Variants in IGSF5 observed in about 807,000 individuals in gnomAD.
The protein encoded by IGSF5 is immunoglobulin superfamily member 5.
A neutral mutation model predicts 39.4 loss-of-function variants in IGSF5; 41 were observed. The ratio of observed to expected loss-of-function variants is 1.04; its 90% CI spans 0.81 to 1.35. The LOEUF is 1.35. Ranked by LOEUF, IGSF5 falls within the 40% of genes most tolerant of loss-of-function variation. IGSF5 has a pLI of 0.00. For synonymous variants in IGSF5, 183 were observed against 175.3 expected (o/e 1.04, Z -0.34); for missense variants, 487 against 494.6 (o/e 0.98, Z 0.15).
At chr21:39,723,812 CT>C in the IGSF5 span, among the ~76,000 whole-genome samples, 1 of 152,122 alleles carries the variant, frequency 6.6e-6, no homozygotes, top group Admixed American at 6.5e-5. Flanking sequence ...AAGAAATTAG[CT>C]GTTGATTACA....
chr21:39,731,390 T>C, the IGSF5 span, among the ~76,000 whole-genome samples: 1 of 152,222 alleles, frequency 6.6e-6, no homozygotes, highest in Non-Finnish European at 1.5e-5. Context: ...GTATAAGTCC[T>C]GAGGATGCAT....
At chr21:39,753,730 C>A (rs796734630) in intron 2 of IGSF5, among the ~76,000 whole-genome samples, 1 of 90,592 alleles carries the variant, frequency 1.1e-5, no homozygotes, top group African/African-American at 3.9e-5. Flanking sequence ...CTATATAATG[C>A]CCTTCTTTGT....
chr21:39,726,644 C>T, the IGSF5 span, among the ~76,000 whole-genome samples: 1 of 152,222 alleles, frequency 6.6e-6, no homozygotes, highest in Non-Finnish European at 1.5e-5. Flanking sequence ...GACCAGCAAA[C>T]ACTTGATAGC....
At chr21:39,790,300 C>T (rs1454378343) in intron 6 of IGSF5, among the ~76,000 whole-genome samples, 1 of 152,162 alleles carries the variant, frequency 6.6e-6, no homozygotes, top group Non-Finnish European at 1.5e-5. Context: ...GGCACATATG[C>T]AATTTATTTT....
At chr21:39,788,872 G>A (rs1372336431) in intron 6 of IGSF5, among the ~76,000 whole-genome samples, 1 of 152,166 alleles carries the variant, frequency 6.6e-6, no homozygotes, top group Admixed American at 6.5e-5. Context: ...AACACATGTA[G>A]TTATCAGTAT....
intron 2 of IGSF5, among the ~76,000 whole-genome samples, chr21:39,760,188 G>A (rs1276513945): frequency 6.6e-6 from 1 of 151,996 alleles, no homozygotes; most frequent in African/African-American, 2.4e-5. Context: ...CTGTATAATG[G>A]GTTATATAGA....
chr21:39,778,392 C>T (rs993496200), intron 4 of IGSF5, among the ~76,000 whole-genome samples: 2 of 152,210 alleles, frequency 1.3e-5, no homozygotes, highest in African/African-American at 4.8e-5. Context: ...CTCTCTCCTT[C>T]TCTCCCTACC....
the IGSF5 span, among the ~76,000 whole-genome samples, chr21:39,717,354 C>T: frequency 6.6e-6 from 1 of 152,152 alleles, no homozygotes; most frequent in Non-Finnish European, 1.5e-5. Context: ...TAATTAGATA[C>T]CATTTGTCAA....
intron 2 of IGSF5, among the ~76,000 whole-genome samples, chr21:39,753,969 G>A (rs907913599): frequency 2.6e-5 from 4 of 151,758 alleles, no homozygotes; most frequent in Non-Finnish European, 4.4e-5. Context: ...TCTTTTAAGT[G>A]GAACATTTAG....
intron 5 of IGSF5, 88 bp downstream of exon 5, chr21:39,779,393 A>G: frequency 6.8e-7 from 1 of 1,470,764 alleles, no homozygotes. Context: ...GCTCTTTCAA[A>G]AGATAGATTA....
upstream of IGSF5, among the ~76,000 whole-genome samples, chr21:39,742,370 G>A (rs148152135): frequency 5.8e-4 from 89 of 152,308 alleles, no homozygotes; most frequent in Middle Eastern, 0.01. Flanking sequence ...TGACAGATCT[G>A]GAGGACAGTT....
intron 6 of IGSF5, among the ~76,000 whole-genome samples, chr21:39,790,011 A>G (rs539686294): frequency 6.6e-6 from 1 of 152,338 alleles, no homozygotes; most frequent in East Asian, 1.9e-4. Context: ...CACAAAAAGC[A>G]CAAATGCCTG....
At chr21:39,728,825 G>T in the IGSF5 span, among the ~76,000 whole-genome samples, 4 of 151,946 alleles carry the variant, frequency 2.6e-5, no homozygotes, top group Non-Finnish European at 5.9e-5. Context: ...CCTATTATGT[G>T]CCTGGCACTT....
intron 6 of IGSF5, among the ~76,000 whole-genome samples, chr21:39,790,081 C>T (rs11701338): frequency 0.27 from 40,358 of 151,942 alleles, 6,759 homozygotes; most frequent in East Asian, 0.47. Context: ...CCCCCTAGAC[C>T]CCGGTCAAAT....
At chr21:39,787,361 T>TA (rs1858327865) in intron 5 of IGSF5, among the ~76,000 whole-genome samples, 1 of 152,114 alleles carries the variant, frequency 6.6e-6, no homozygotes, top group South Asian at 2.1e-4. Context: ...AATGAGTATT[T>TA]AAAAAATCTT....
At chr21:39,790,919 T>G (rs2146293553) in intron 6 of IGSF5, among the ~76,000 whole-genome samples, 1 of 152,366 alleles carries the variant, frequency 6.6e-6, no homozygotes, top group African/African-American at 2.4e-5. Flanking sequence ...TTGTATTAGG[T>G]ATTATAAATA....
rs149556832 is a variant in IGSF5 at position 39,766,410 on chromosome 21, C to T, written c.418+558C>T. On this transcript the variant is annotated intron_variant, in intron 3 of 8. Coordinates refer to ENST00000380588, the MANE Select transcript of IGSF5 (RefSeq NM_001080444.2). ...ATCACTGCCCTTTCTCTAGTTTTTC[C>T]ATATACATGACTATATTTCTCTGCT... 1.6e-3 allele frequency among the ~76,000 whole-genome samples: 246 copies of T among 152,220 alleles called. 1 individual carries two copies. Among genetic ancestry groups the T allele is most frequent in the African/African-American group, 5.3e-3 (222 of 41,534 alleles).
chr21:39,786,786 T>G (rs1055720747), intron 5 of IGSF5, among the ~76,000 whole-genome samples: 4 of 152,172 alleles, frequency 2.6e-5, no homozygotes, highest in Admixed American at 6.5e-5. Context: ...CCATAAAAAA[T>G]GGTGAGTTCA....
chr21:39,764,971 G>GT lies in IGSF5; in HGVS notation c.101-558dup, dbSNP rs570376440. 8.7e-4 allele frequency among the ~76,000 whole-genome samples: 132 copies of GT among 152,294 alleles called. 1 individual carries two copies. The highest frequency in any genetic ancestry group is 1.7e-3 in the Non-Finnish European group (115 of 68,030). ...GGGATGTTGCCAGCTGGCAGAGTTGGTTTTTTATGGAGGCTCTGAGGGAAG... is the reference window on the plus strand; with the variant it reads ...GGGATGTTGCCAGCTGGCAGAGTTGGTTTTTTTATGGAGGCTCTGAGGGAAG... On this transcript the variant is annotated intron_variant, in intron 2 of 8. Coordinates refer to ENST00000380588, the MANE Select transcript of IGSF5 (RefSeq NM_001080444.2).
Sources: gnomAD v4.1 joint callset for allele counts (sites outside exome capture counted in the v4.1 genomes callset) on GRCh38, gnomAD v4.1.1 for gene constraint, MANE v1.5 for transcripts, NCBI Gene and HGNC (gene_info 2026-07-23, HGNC 2026-07-21) for gene names.